Variants in PPARGC1A observed in about 807,000 individuals in gnomAD.
PPARGC1A encodes the protein PPARG coactivator 1 alpha.
Under a neutral mutation model 88.7 loss-of-function variants are expected in PPARGC1A, and 25 were observed. That is an observed-to-expected ratio of 0.28 (90% confidence interval 0.21 to 0.39). PPARGC1A has a LOEUF of 0.39. Among genes scored for constraint, PPARGC1A ranks in the 10% least tolerant of loss-of-function variants. The pLI is 1.00. For synonymous variants in PPARGC1A, 363 were observed against 355.6 expected (o/e 1.02, Z -0.24); for missense variants, 880 against 968.7 (o/e 0.91, Z 1.22).
chr4:24,382,634 T>C, the PPARGC1A span, among the ~76,000 whole-genome samples: 1 of 152,242 alleles, frequency 6.6e-6, no homozygotes, highest in Admixed American at 6.5e-5. Flanking sequence ...CATTTGCAAG[T>C]ATGACTCATT....
chr4:23,825,970 T>C (rs961297955), intron 5 of PPARGC1A, among the ~76,000 whole-genome samples: 2 of 152,172 alleles, frequency 1.3e-5, no homozygotes, highest in African/African-American at 4.8e-5. Context: ...ACAACTTCCA[T>C]AGAAAATATA....
At chr4:24,096,645 C>T in the PPARGC1A span, among the ~76,000 whole-genome samples, 3 of 152,204 alleles carry the variant, frequency 2.0e-5, no homozygotes, top group African/African-American at 7.2e-5. Flanking sequence ...ATAAACAACA[C>T]ACTTTCAGTA....
the PPARGC1A span, among the ~76,000 whole-genome samples, chr4:23,952,496 T>C: frequency 6.6e-6 from 1 of 152,060 alleles, no homozygotes; most frequent in African/African-American, 2.4e-5. Context: ...TTCTACAACT[T>C]TACCCCCTAC....
At chr4:24,308,139 A>C in the PPARGC1A span, among the ~76,000 whole-genome samples, 1 of 151,990 alleles carries the variant, frequency 6.6e-6, no homozygotes, top group African/African-American at 2.4e-5. Context: ...TAAAAATACA[A>C]AAATTAGCCA....
At chr4:24,000,290 A>G in the PPARGC1A span, among the ~76,000 whole-genome samples, 3 of 152,164 alleles carry the variant, frequency 2.0e-5, no homozygotes, top group Admixed American at 1.3e-4. Context: ...GAGACTTGGT[A>G]CCAGAAAGCT....
chr4:24,355,912 T>C, the PPARGC1A span, among the ~76,000 whole-genome samples: 2 of 152,208 alleles, frequency 1.3e-5, no homozygotes, highest in Non-Finnish European at 2.9e-5. Context: ...ATAATGAGTT[T>C]ACGGCGGGGC....
At chr4:24,018,795 C>T in the PPARGC1A span, among the ~76,000 whole-genome samples, 1 of 152,074 alleles carries the variant, frequency 6.6e-6, no homozygotes, top group Non-Finnish European at 1.5e-5. Flanking sequence ...TAAAGATCTC[C>T]CCCATTTCCC....
intron 1 of PPARGC1A, 66 bp downstream of exon 1, chr4:23,889,838 C>T: frequency 3.8e-6 from 6 of 1,579,440 alleles, no homozygotes; most frequent in Non-Finnish European, 5.2e-6. Context: ...TCCCCCCTTA[C>T]AGGAATAATA....
At chr4:24,017,275 G>A in the PPARGC1A span, among the ~76,000 whole-genome samples, 2 of 152,178 alleles carry the variant, frequency 1.3e-5, no homozygotes, top group African/African-American at 2.4e-5. Context: ...GTAACCAGTT[G>A]TGACTTCAAC....
the PPARGC1A span, among the ~76,000 whole-genome samples, chr4:24,302,071 C>G: frequency 6.6e-6 from 1 of 152,172 alleles, no homozygotes; most frequent in Non-Finnish European, 1.5e-5. Context: ...TTGAGGCAGA[C>G]ACTGCATTCT....
the PPARGC1A span, among the ~76,000 whole-genome samples, chr4:24,249,617 A>T: frequency 6.7e-6 from 1 of 148,950 alleles, no homozygotes; most frequent in Admixed American, 6.9e-5. Context: ...GATCCCGGGG[A>T]ATCGGTTGGG....
chr4:23,923,255 T>G, the PPARGC1A span, among the ~76,000 whole-genome samples: 1,163 of 152,202 alleles, frequency 7.6e-3, 10 homozygotes, highest in African/African-American at 0.026. Flanking sequence ...GGTATGGAAC[T>G]GTGTTGAGGG....
At chr4:23,962,816 C>A in the PPARGC1A span, among the ~76,000 whole-genome samples, 1 of 152,062 alleles carries the variant, frequency 6.6e-6, no homozygotes, top group Non-Finnish European at 1.5e-5. Flanking sequence ...CCTACTCTTA[C>A]CTGACCCCAC....
At chr4:24,056,524 A>C in the PPARGC1A span, among the ~76,000 whole-genome samples, 1 of 152,204 alleles carries the variant, frequency 6.6e-6, no homozygotes, top group African/African-American at 2.4e-5. Flanking sequence ...GGAAAAAGAA[A>C]AGCACTCATT....
the PPARGC1A span, among the ~76,000 whole-genome samples, chr4:24,237,245 T>G: frequency 0.38 from 56,814 of 150,994 alleles, 11,299 homozygotes; most frequent in Middle Eastern, 0.51. Flanking sequence ...AGATTGGATT[T>G]TTTTTTTTTT....
At chr4:23,854,746 A>G (rs1473504727) in intron 2 of PPARGC1A, among the ~76,000 whole-genome samples, 1 of 152,018 alleles carries the variant, frequency 6.6e-6, no homozygotes, top group Admixed American at 6.6e-5. Flanking sequence ...TGTGTCATTC[A>G]TTTTTATATT....
the PPARGC1A span, among the ~76,000 whole-genome samples, chr4:24,450,544 G>A: frequency 0.018 from 2,688 of 152,212 alleles, 38 homozygotes; most frequent in Non-Finnish European, 0.027. Flanking sequence ...ACACAAAGCT[G>A]CCTAGGAAAA....
the PPARGC1A span, among the ~76,000 whole-genome samples, chr4:24,022,476 G>A: frequency 1.1e-4 from 17 of 152,148 alleles, no homozygotes; most frequent in African/African-American, 3.4e-4. Context: ...TAAGTGCCAC[G>A]GGGCTGGGGT....
chr4:24,062,589 G>A, the PPARGC1A span, among the ~76,000 whole-genome samples: 5 of 152,282 alleles, frequency 3.3e-5, no homozygotes, highest in Non-Finnish European at 5.9e-5. Context: ...GGCCCCCAGT[G>A]GTAGGGCAGA....
Sources: gnomAD v4.1 joint callset for allele counts (sites outside exome capture counted in the v4.1 genomes callset) on GRCh38, gnomAD v4.1.1 for gene constraint, MANE v1.5 for transcripts, NCBI Gene and HGNC (gene_info 2026-07-23, HGNC 2026-07-21) for gene names.